FHIT: variants seen among roughly 807,000 people sequenced by gnomAD.
The protein encoded by FHIT is fragile histidine triad diadenosine triphosphatase, also known as bis(5'-adenosyl)-triphosphatase.
FHIT carries 19 observed loss-of-function variants against 17.9 expected under a neutral mutation model. The ratio of observed to expected loss-of-function variants is 1.06; its 90% CI spans 0.74 to 1.56. The LOEUF (loss-of-function observed/expected upper bound fraction) is 1.56. Ranked by LOEUF, FHIT falls within the 40% of genes most tolerant of loss-of-function variation. The probability of loss-of-function intolerance (pLI) is 0.00; values close to 1 mark genes in which losing one functional copy is unlikely to be tolerated. For synonymous variants in FHIT, 81 were observed against 69.7 expected, an observed-to-expected ratio of 1.16 and a Z score of -0.81; for missense variants, 248 against 189.2, an observed-to-expected ratio of 1.31 and a Z score of -1.82.
At chr3:61,135,585 A>T (rs1258085559) in intron 2 of FHIT, among the ~76,000 whole-genome samples, 1 of 34,650 alleles carries the variant, frequency 2.9e-5, no homozygotes, top group Non-Finnish European at 4.5e-5. Flanking sequence ...GTGTTCGAAC[A>T]CACACACACA....
intron 4 of FHIT, among the ~76,000 whole-genome samples, chr3:60,697,220 A>G (rs9818734): frequency 0.11 from 17,133 of 152,206 alleles, 2,097 homozygotes; most frequent in African/African-American, 0.3. Context: ...AAAGGTATCA[A>G]TTAATGAAGG....
intron 5 of FHIT, among the ~76,000 whole-genome samples, chr3:60,340,775 T>G (rs944200470): frequency 5.9e-5 from 9 of 152,100 alleles, no homozygotes; most frequent in Admixed American, 2.0e-4. Flanking sequence ...TGGCGTCATC[T>G]TGGCTCACCA....
At chr3:61,043,691 C>A (rs578012154) in intron 2 of FHIT, among the ~76,000 whole-genome samples, 2 of 152,162 alleles carry the variant, frequency 1.3e-5, no homozygotes, top group Non-Finnish European at 2.9e-5. Context: ...CAAGTGGGTC[C>A]CTGAGACCCA....
intron 3 of FHIT, among the ~76,000 whole-genome samples, chr3:61,000,940 A>G (rs1375977803): frequency 6.6e-6 from 1 of 151,972 alleles, no homozygotes; most frequent in East Asian, 1.9e-4. Context: ...TCTACAGTAT[A>G]TAAATAATTC....
intron 2 of FHIT, among the ~76,000 whole-genome samples, chr3:61,078,128 C>T (rs1369569843): frequency 6.6e-6 from 1 of 152,080 alleles, no homozygotes; most frequent in Non-Finnish European, 1.5e-5. Flanking sequence ...GGGACTATAG[C>T]CATTAGCATG....
chr3:60,154,269 T>G (rs1700588124), intron 5 of FHIT, among the ~76,000 whole-genome samples: 1 of 152,054 alleles, frequency 6.6e-6, no homozygotes, highest in African/African-American at 2.4e-5. Flanking sequence ...CAATAAGCAT[T>G]CCTTCCTTGA....
intron 3 of FHIT, among the ~76,000 whole-genome samples, chr3:60,908,293 T>C (rs545624945): frequency 5.3e-5 from 8 of 152,160 alleles, no homozygotes; most frequent in African/African-American, 1.9e-4. Context: ...ATAGAGAATA[T>C]AAAGAAAGTC....
chr3:59,897,133 G>T (rs557597404), intron 8 of FHIT, among the ~76,000 whole-genome samples: 4 of 152,316 alleles, frequency 2.6e-5, no homozygotes, highest in Non-Finnish European at 4.4e-5. Context: ...TGGGGTATCT[G>T]TGTCCTTATT....
chr3:60,209,951 G>C (rs1452726866), intron 5 of FHIT, among the ~76,000 whole-genome samples: 2 of 152,050 alleles, frequency 1.3e-5, no homozygotes, highest in Admixed American at 1.3e-4. Flanking sequence ...AGGGTGTGTG[G>C]GGAGGGAACC....
intron 8 of FHIT, among the ~76,000 whole-genome samples, chr3:59,867,002 A>G (rs554785381): frequency 1.9e-3 from 283 of 151,568 alleles, no homozygotes; most frequent in Non-Finnish European, 3.2e-3. Context: ...TTTGCTTTCT[A>G]TGATAAATAA....
At chr3:59,841,573 C>T (rs1559652216) in intron 8 of FHIT, among the ~76,000 whole-genome samples, 1 of 152,096 alleles carries the variant, frequency 6.6e-6, no homozygotes, top group Non-Finnish European at 1.5e-5. Context: ...CCTCAAAGTC[C>T]AGCTTCTACC....
At position 59,814,024 on chromosome 3, in the gene FHIT, C is replaced by T. The variant is rs114996282; in HGVS notation, c.349-61703G>A. Among the ~76,000 whole-genome samples the T allele has an allele frequency of 8.7e-3, 1,211 of 139,544 alleles. 14 individuals are homozygous for T. The highest frequency in any genetic ancestry group is 0.032 in the African/African-American group (1,137 of 35,574). 91.5% of individuals were successfully genotyped at this position (139,544 alleles called of 152,430 possible). A position where few individuals can be genotyped will look rare whatever the true frequency, so the allele number is the denominator to read the frequency against. On this transcript the variant is annotated intron_variant, in intron 8 of 9. Coordinates refer to ENST00000492590, the MANE Select transcript of FHIT (RefSeq NM_002012.4). ...AAGGACGGATTCATCCGACTGCCCT[C>T]TATGTAAAAAAATTTACACATACAC...
chr3:60,460,200 T>G (rs1182739081), intron 5 of FHIT, among the ~76,000 whole-genome samples: 1 of 152,130 alleles, frequency 6.6e-6, no homozygotes. Context: ...GGGGGGCAAA[T>G]CTGATGAGGA....
chr3:59,777,235 G>A (rs190843831), intron 8 of FHIT, among the ~76,000 whole-genome samples: 3 of 152,190 alleles, frequency 2.0e-5, no homozygotes, highest in Admixed American at 2.0e-4. Context: ...CAAGGCCATG[G>A]CTTTAAATAC....
chr3:60,618,743 C>A (rs1396901773), intron 4 of FHIT, among the ~76,000 whole-genome samples: 1 of 152,144 alleles, frequency 6.6e-6, no homozygotes, highest in Non-Finnish European at 1.5e-5. Flanking sequence ...GACCTTGAAT[C>A]ATCTGAGTGG....
intron 2 of FHIT, among the ~76,000 whole-genome samples, chr3:61,075,611 T>C (rs1316281167): frequency 6.6e-6 from 1 of 152,112 alleles, no homozygotes; most frequent in Non-Finnish European, 1.5e-5. Flanking sequence ...AACCTTTTGA[T>C]ATAACTAGGG....
At chr3:61,179,084 C>T (rs1386936413) in intron 2 of FHIT, among the ~76,000 whole-genome samples, 4 of 145,986 alleles carry the variant, frequency 2.7e-5, no homozygotes, top group Non-Finnish European at 5.9e-5. Flanking sequence ...GATCTTGGCT[C>T]ACTGCAGCCT....
intron 5 of FHIT, among the ~76,000 whole-genome samples, chr3:60,424,478 T>C (rs1217304776): frequency 6.6e-6 from 1 of 152,184 alleles, no homozygotes; most frequent in Non-Finnish European, 1.5e-5. Context: ...ATCTCCACTC[T>C]GTCCTGTCTG....
chr3:60,123,967 A>T (rs199788728), intron 5 of FHIT, among the ~76,000 whole-genome samples: 763 of 27,706 alleles, frequency 0.028, 55 homozygotes, highest in East Asian at 0.045. Flanking sequence ...ATGCACTAAA[A>T]ATATATATAT....
Sources: gnomAD v4.1 joint callset for allele counts (sites outside exome capture counted in the v4.1 genomes callset) on GRCh38, gnomAD v4.1.1 for gene constraint, MANE v1.5 for transcripts, NCBI Gene and HGNC (gene_info 2026-07-23, HGNC 2026-07-21) for gene names.